The following PPP4R3B variants were observed in gnomAD, a reference collection of about 807,000 sequenced individuals.
The protein encoded by PPP4R3B is protein phosphatase 4 regulatory subunit 3B.
A neutral mutation model predicts 95.4 loss-of-function variants in PPP4R3B; 52 were observed. That is an observed-to-expected ratio of 0.54 (90% CI 0.44 to 0.69). PPP4R3B has a LOEUF of 0.69. Ranked by LOEUF, PPP4R3B falls within the 30% of genes least tolerant of loss-of-function variation. The pLI, the probability that PPP4R3B is intolerant of heterozygous loss-of-function variation, is 0.00. For synonymous variants in PPP4R3B, 407 were observed against 343.9 expected (o/e 1.18, Z -2.03); for missense variants, 1,003 against 1,005.9 (o/e 1.00, Z 0.04).
intron 11 of PPP4R3B, among the ~76,000 whole-genome samples, chr2:55,574,704 C>T (rs978453592): frequency 1.3e-5 from 2 of 151,664 alleles, no homozygotes; most frequent in Admixed American, 1.3e-4. Flanking sequence ...CGACATTCTC[C>T]TGCCTTAGCC....
intron 10 of PPP4R3B, 96 bp from the exon 11 acceptor site, chr2:55,577,452 T>C: frequency 8.6e-7 from 1 of 1,163,996 alleles, no homozygotes; most frequent in Non-Finnish European, 1.1e-6. Flanking sequence ...TCTTCAATCA[T>C]AATCTCCTTT....
intron 12 of PPP4R3B, among the ~76,000 whole-genome samples, chr2:55,570,825 A>G (rs762403402): frequency 1.3e-5 from 2 of 152,192 alleles, no homozygotes; most frequent in South Asian, 2.1e-4. Flanking sequence ...TAGACTTACA[A>G]TCTTCCCTCT....
chr2:55,590,136 T>G (rs1434046764), intron 4 of PPP4R3B, among the ~76,000 whole-genome samples: 3 of 150,750 alleles, frequency 2.0e-5, no homozygotes, highest in Non-Finnish European at 4.4e-5. Flanking sequence ...CAGACCAGCT[T>G]GACCAACATG....
chr2:55,593,128 A>C (rs1691268923), intron 4 of PPP4R3B, among the ~76,000 whole-genome samples: 4 of 152,210 alleles, frequency 2.6e-5, no homozygotes, highest in African/African-American at 9.6e-5. Context: ...ACTGCACTCC[A>C]GCCTGGGTGA....
chr2:55,587,766 A>T (rs1177687974), intron 5 of PPP4R3B, among the ~76,000 whole-genome samples: 2 of 152,236 alleles, frequency 1.3e-5, no homozygotes, highest in Non-Finnish European at 2.9e-5. Context: ...TCTCAAAAAC[A>T]TAATACTGGT....
At chr2:55,606,672 A>C (rs1343687106) in intron 2 of PPP4R3B, among the ~76,000 whole-genome samples, 1 of 151,790 alleles carries the variant, frequency 6.6e-6, no homozygotes, top group Non-Finnish European at 1.5e-5. Flanking sequence ...AAAATACCAG[A>C]ATTAGCCGGG....
intron 11 of PPP4R3B, among the ~76,000 whole-genome samples, chr2:55,574,000 C>T (rs1256933281): frequency 6.6e-6 from 1 of 151,114 alleles, no homozygotes; most frequent in Non-Finnish European, 1.5e-5. Flanking sequence ...CTGATCCTCC[C>T]ACCTCAGCTG....
At chr2:55,613,025 C>T (rs146334251) in intron 2 of PPP4R3B, among the ~76,000 whole-genome samples, 112 of 152,052 alleles carry the variant, frequency 7.4e-4, no homozygotes, top group African/African-American at 2.6e-3. Flanking sequence ...ATTGGAGGAT[C>T]GCTTGAGCCC....
rs760657212 is a variant in PPP4R3B, at chr2:55,581,682, T to G, written c.1250A>C (p.Asn417Thr). ...ACAGATCATTTGTTCAATTACCACA[T>G]TAATAAGAAGAATATCCTGGTGGCA... is the stretch of plus-strand genomic sequence containing the variant. The part of the protein sequence containing the change: ...QQSDDDILLI[N>T]VVIEQMICDT... Residue 417 changes from asparagine (N) to threonine (T), a missense_variant, in exon 8 of 17, where the codon AAT becomes ACT. Physicochemically the swap from Asn to Thr is moderately conservative, Grantham distance 65. This residue lies in a region of PPP4R3B where 695 missense variants were observed against 686.2 expected (regional missense o/e 1.01). Transcript: ENST00000616407. The G allele has an allele frequency of 1.2e-6, 2 of 1,612,584 alleles. No individual in the cohort carries two copies. Among genetic ancestry groups the G allele is most frequent in the Non-Finnish European group, 1.7e-6 (2 of 1,179,494 alleles).
Position 55,548,892 on chromosome 2 carries a change from A to T in PPP4R3B, c.*1019T>A, listed in dbSNP as rs184303711. ...GTGCTTTTACTCTTCTTAAAAAAGC[A>T]GCTTTCATATCACACCCTTGTTTAC... On this transcript the variant is annotated 3_prime_UTR_variant, in exon 17 of 17. Coordinates refer to ENST00000616407, the MANE Select transcript of PPP4R3B (RefSeq NM_001122964.3). 1.7e-3 allele frequency: 265 copies of T among 152,790 alleles called. No homozygotes were observed. The highest frequency in any genetic ancestry group is 2.7e-3 in the Non-Finnish European group (187 of 68,034). The allele number at this position is 152,790 out of a possible 1,614,324, so 9.5% of individuals were successfully genotyped here.
intron 4 of PPP4R3B, among the ~76,000 whole-genome samples, chr2:55,596,961 T>C (rs990593306): frequency 1.3e-5 from 2 of 152,022 alleles, no homozygotes; most frequent in South Asian, 4.1e-4. Context: ...TGAAACTCCG[T>C]CTCAAAATAA....
rs1693017398 is a variant in PPP4R3B, at chr2:55,603,899, A to G, written c.297+79T>C. ...TAAGACACTATCTCGCCACATCCTA[A>G]TATGTTTGAAGTAAAAAGGAAACAA... On this transcript the variant is annotated intron_variant, in intron 3 of 16. Transcript: ENST00000616407. The G allele has an allele frequency of 1.0e-5, 10 of 960,816 alleles. No homozygotes were observed. The Admixed American group carries it at 2.3e-4, about 22-fold the overall frequency. 59.5% of individuals were successfully genotyped at this position (960,816 alleles called of 1,614,324 possible). A position where few individuals can be genotyped will look rare whatever the true frequency, so the allele number is the denominator to read the frequency against.
intron 16 of PPP4R3B, among the ~76,000 whole-genome samples, chr2:55,555,402 TGAGTA>T (rs987730890): frequency 6.6e-6 from 1 of 151,716 alleles, no homozygotes; most frequent in African/African-American, 2.4e-5. Context: ...GATCACCACT[TGAGTA>T]AAGTTTCCAA....
intron 15 of PPP4R3B, among the ~76,000 whole-genome samples, chr2:55,561,549 T>C (rs950625108): frequency 2.6e-5 from 4 of 152,198 alleles, no homozygotes; most frequent in Non-Finnish European, 5.9e-5. Flanking sequence ...AAAGCAGCCA[T>C]GGGGGCTGTA....
At chr2:55,591,636 T>C in intron 4 of PPP4R3B, 2 of 984,940 alleles carry the variant, frequency 2.0e-6, no homozygotes, top group Non-Finnish European at 2.4e-6. Flanking sequence ...CCTTGATAAA[T>C]GCAATTTCCC....
At chr2:55,569,907 G>T (rs535289098) in intron 12 of PPP4R3B, among the ~76,000 whole-genome samples, 2 of 152,284 alleles carry the variant, frequency 1.3e-5, no homozygotes, top group African/African-American at 4.8e-5. Flanking sequence ...GGCTCCTGAT[G>T]CCAGATGCCA....
At position 55,591,740 on chromosome 2, in the gene PPP4R3B, C is replaced by G. The variant is rs182254329; in HGVS notation, c.922-2784G>C. The G allele has an allele frequency of 7.8e-6, 6 of 773,554 alleles. No homozygotes were observed. The African/African-American group carries it at 1.1e-4, about 15-fold the overall frequency. The allele number at this position is 773,554 out of a possible 1,614,324, so 47.9% of individuals were successfully genotyped here. A position where few individuals can be genotyped will look rare whatever the true frequency, so the allele number is the denominator to read the frequency against. On this transcript the variant is annotated intron_variant, in intron 4 of 16. Coordinates refer to ENST00000616407, the MANE Select transcript of PPP4R3B (RefSeq NM_001122964.3). ...TAGAGGCAATCTCAATTATTACAGT[C>G]CATTAAGAGAATATGTATTCCTAGT...
intron 3 of PPP4R3B, among the ~76,000 whole-genome samples, chr2:55,601,027 G>A (rs1466694390): frequency 6.6e-6 from 1 of 151,386 alleles, no homozygotes; most frequent in Non-Finnish European, 1.5e-5. Flanking sequence ...CACGCCTGTA[G>A]TCCCAGCTAT....
chr2:55,587,054 T>G (rs949806913), intron 5 of PPP4R3B, among the ~76,000 whole-genome samples: 2 of 152,220 alleles, frequency 1.3e-5, no homozygotes, highest in Non-Finnish European at 2.9e-5. Context: ...AACACATCTT[T>G]CTAAGTGAAC....
Sources: allele counts gnomAD v4.1 joint callset (sites outside exome capture counted in the v4.1 genomes callset), GRCh38; gene constraint gnomAD v4.1.1; regional missense constraint gnomAD v4.1.1; transcripts MANE v1.5; gene names NCBI Gene and HGNC (gene_info 2026-07-23, HGNC 2026-07-21).